Variants in TBX4 observed in about 807,000 individuals in gnomAD.
The protein encoded by TBX4 is T-box transcription factor TBX4.
Under a neutral mutation model 54.6 loss-of-function variants are expected in TBX4, and 13 were observed. The ratio of observed to expected loss-of-function variants is 0.24; its 90% confidence interval spans 0.15 to 0.38. The LOEUF (loss-of-function observed/expected upper bound fraction) is 0.38, where lower values mean the gene tolerates loss of function less well. Among genes scored for constraint, TBX4 ranks in the 10% least tolerant of loss-of-function variants. The pLI, the probability that TBX4 is intolerant of heterozygous loss-of-function variation, is 1.00. For synonymous variants in TBX4, 314 were observed against 306.7 expected (o/e 1.02, Z -0.25); for missense variants, 631 against 728.5 (o/e 0.87, Z 1.54).
rs2143825981 is a variant in TBX4, at chr17:61,467,637, C to T, written c.529C>T (p.His177Tyr). ...SFQKLKLTNN[H>Y]LDPFGHIILN... ...CCAGAAGCTGAAGCTGACAAACAAC[C>T]ACCTGGACCCCTTTGGCCATGTAAG... The change falls in exon 5 of 9, where the codon CAC (histidine) becomes TAC (tyrosine). Residue 177 changes from histidine (H) to tyrosine (Y), a missense_variant. Physicochemically the swap from His to Tyr is moderately conservative, Grantham distance 83 (BLOSUM62 2). Transcript: ENST00000644296. 1 of 1,614,236 alleles carries T rather than the reference C, an allele frequency of 6.2e-7. No individual in the cohort carries two copies. Among genetic ancestry groups the T allele is most frequent in the Non-Finnish European group, 8.5e-7 (1 of 1,180,058 alleles).
intron 4 of TBX4, among the ~76,000 whole-genome samples, chr17:61,466,454 C>G (rs1603251197): frequency 6.6e-6 from 1 of 152,170 alleles, no homozygotes; most frequent in Non-Finnish European, 1.5e-5. Context: ...GGATGGGACC[C>G]TTTGGCAAGG....
Position 61,465,470 on chromosome 17 carries a change from A to G in TBX4, c.282-349A>G, listed in dbSNP as rs1213837173. Among the ~76,000 whole-genome samples the G allele has an allele frequency of 6.6e-6, 1 of 152,218 alleles. No individual in the cohort carries two copies. The highest frequency in any genetic ancestry group is 1.5e-5 in the Non-Finnish European group (1 of 68,044). ...AAGGTTGGCGTCAGAATCTGCTCCCACAATCCTGACTGGGGTCTCTGTGCT... is the reference window on the plus strand; with the variant it reads ...AAGGTTGGCGTCAGAATCTGCTCCCGCAATCCTGACTGGGGTCTCTGTGCT... On this transcript the variant is annotated intron_variant, in intron 3 of 8. Coordinates refer to ENST00000644296, the MANE Select transcript of TBX4 (RefSeq NM_001321120.2). The surrounding 1 kb of genome is among the most constrained non-coding windows in gnomAD (Gnocchi z 4.9).
intron 1 of TBX4, chr17:61,452,978 G>C: frequency 2.0e-6 from 2 of 985,424 alleles, no homozygotes; most frequent in Non-Finnish European, 2.4e-6. Context: ...GCGAAAATCC[G>C]TGTAGATATG....
At position 61,464,754 on chromosome 17, in the gene TBX4, G is replaced by A. The variant is rs1253502988; in HGVS notation, c.282-1065G>A. ...ACTAGGGGAGGGAGCTGTGCCCAGA[G>A]CGTTTGTGTATGCGCTGTGCTGTTG... On this transcript the variant is annotated intron_variant, in intron 3 of 8. Transcript: ENST00000644296. The surrounding 1 kb of genome is among the most constrained non-coding windows in gnomAD (Gnocchi z 5.8). 6.6e-6 allele frequency among the ~76,000 whole-genome samples: 1 copy of A among 152,206 alleles called. No individual in the cohort carries two copies. The highest frequency in any genetic ancestry group is 1.5e-5 in the Non-Finnish European group (1 of 68,028).
chr17:61,454,524 G>T (rs577933558), intron 1 of TBX4, among the ~76,000 whole-genome samples: 1 of 152,368 alleles, frequency 6.6e-6, no homozygotes, highest in Admixed American at 6.5e-5. Flanking sequence ...GGCCGCCCCG[G>T]GCCAGCCGGG....
rs750033041 is a variant in TBX4, at chr17:61,480,135, C to T, written c.837C>T (p.Leu279=). Reference sequence around the variant, plus strand: ...CCAAAAGCATCATGAGGCAGAGGCTCATCTCCCCCCAGCTCTCAGCCACAC... The same window carrying T: ...CCAAAAGCATCATGAGGCAGAGGCTTATCTCCCCCCAGCTCTCAGCCACAC... ...VISKSIMRQR[L]ISPQLSATPD... The change falls in exon 8 of 9, where the codon CTC becomes CTT. Residue 279 remains leucine (L), a synonymous_variant. Transcript: ENST00000644296. This position sits in a 1 kb window ranked among gnomAD's most constrained non-coding sequence, Gnocchi z 6.2. The T allele has an allele frequency of 2.0e-5, 33 of 1,614,014 alleles. No individual in the cohort carries two copies. The highest frequency in any genetic ancestry group is 2.5e-5 in the Non-Finnish European group (30 of 1,180,028).
chr17:61,482,408 C>T lies in TBX4; in HGVS notation c.1022-489C>T, dbSNP rs185872038. Among the ~76,000 whole-genome samples, 538 of 152,364 alleles carry T rather than the reference C, an allele frequency of 3.5e-3. 3 individuals carry two copies. The highest frequency in any genetic ancestry group is 0.012 in the African/African-American group (495 of 41,580). On this transcript the variant is annotated intron_variant, in intron 8 of 8. Transcript: ENST00000644296. ...TCTAAAAGCAACAGAAACATGCCTA[C>T]AAGTGGCTTTGGCTCCCTGAGGTCT...
intron 1 of TBX4, among the ~76,000 whole-genome samples, chr17:61,455,274 C>G (rs982600918): frequency 6.6e-6 from 1 of 152,190 alleles, no homozygotes; most frequent in South Asian, 2.1e-4. Flanking sequence ...GAGGCCTGAG[C>G]CCGGGGATGC....
chr17:61,478,844 G>A lies in TBX4; in HGVS notation c.702+65G>A, dbSNP rs771296858. On this transcript the variant is annotated intron_variant, in intron 6 of 8. Transcript: ENST00000644296. This position sits in a 1 kb window ranked among gnomAD's most constrained non-coding sequence, Gnocchi z 7.4. ...ACCACCCTGCGTTCTCTTCCACCAG[G>A]CAGAGAGGCAGAGTGTGAAGCCAGA... 124 of 1,611,874 alleles carry A rather than the reference G, an allele frequency of 7.7e-5. No homozygotes were observed. Among genetic ancestry groups the A allele is most frequent in the Middle Eastern group, 6.6e-4 (4 of 6,052 alleles).
In TBX4 at chr17:61,459,545, G is replaced by T. The variant is rs2060479811; in HGVS notation, c.281+1914G>T. Among the ~76,000 whole-genome samples, 1 of 152,154 alleles carries T rather than the reference G, an allele frequency of 6.6e-6. No individual in the cohort carries two copies. The highest frequency in any genetic ancestry group is 2.1e-4 in the South Asian group (1 of 4,826). ...TGGCCTTTGGCATTTTAAACAAAGG[G>T]CATTTTTGTTTGTTTGTTTTCCTCA... is the stretch of plus-strand genomic sequence containing the variant. On this transcript the variant is annotated intron_variant, in intron 3 of 8. Transcript: ENST00000644296. The surrounding 1 kb of genome is among the most constrained non-coding windows in gnomAD (Gnocchi z 4.8).
rs548777013 is a variant in TBX4 at position 61,465,720 on chromosome 17, G to T, written c.282-99G>T. The T allele has an allele frequency of 2.6e-6, 4 of 1,522,664 alleles. No individual in the cohort carries two copies. Among genetic ancestry groups the T allele is most frequent in the Non-Finnish European group, 3.6e-6 (4 of 1,104,822 alleles). The allele number at this position is 1,522,664 out of a possible 1,614,324, so 94.3% of individuals were successfully genotyped here. On this transcript the variant is annotated intron_variant, in intron 3 of 8. Transcript: ENST00000644296. The surrounding 1 kb of genome is among the most constrained non-coding windows in gnomAD (Gnocchi z 4.9). ...CAATGCCAGGATCGCTGGCCAAAAG[G>T]GCAGCATCTGTTAGCGGCCTTCTGC...
chr17:61,455,364 C>T (rs965763342), intron 1 of TBX4, among the ~76,000 whole-genome samples: 1 of 152,204 alleles, frequency 6.6e-6, no homozygotes, highest in Non-Finnish European at 1.5e-5. Context: ...GCCGTCAGAC[C>T]TACAGAAAGC....
At chr17:61,453,145 C>A (rs2060425505) in intron 1 of TBX4, among the ~76,000 whole-genome samples, 1 of 152,154 alleles carries the variant, frequency 6.6e-6, no homozygotes, top group South Asian at 2.1e-4. Flanking sequence ...TGATATAACA[C>A]GTGAACTTCC....
At position 61,483,523 on chromosome 17, in the gene TBX4, C is replaced by G. The variant is rs149961771; in HGVS notation, c.*7C>G. 2 of 1,613,936 alleles carry G rather than the reference C, an allele frequency of 1.2e-6. No homozygotes were observed. The highest frequency in any genetic ancestry group is 1.6e-4 in the Middle Eastern group (1 of 6,084). ...GAACTGGACTGACGGATGACTCTCACGTCTCCTCCATAGCCCCGGGACCGT... is the reference window on the plus strand; with the variant it reads ...GAACTGGACTGACGGATGACTCTCAGGTCTCCTCCATAGCCCCGGGACCGT... On this transcript the variant is annotated 3_prime_UTR_variant, in exon 9 of 9. Coordinates refer to ENST00000644296, the MANE Select transcript of TBX4 (RefSeq NM_001321120.2). This position sits in a 1 kb window ranked among gnomAD's most constrained non-coding sequence, Gnocchi z 6.6.
rs567568218 is a variant in TBX4, at chr17:61,464,368, C to T, written c.282-1451C>T. ...CTCGCCTGGGCTTAGGGCCCGCCAGCTTATAGAGGCCTTGATCCTTTCTGG... is the reference window on the plus strand; with the variant it reads ...CTCGCCTGGGCTTAGGGCCCGCCAGTTTATAGAGGCCTTGATCCTTTCTGG... On this transcript the variant is annotated intron_variant, in intron 3 of 8. Coordinates refer to ENST00000644296, the MANE Select transcript of TBX4 (RefSeq NM_001321120.2). This position sits in a 1 kb window ranked among gnomAD's most constrained non-coding sequence, Gnocchi z 5.8. The T allele has an allele frequency of 6.6e-6, 1 of 152,380 alleles. No homozygotes were observed. The highest frequency in any genetic ancestry group is 1.9e-4 in the East Asian group (1 of 5,172). The allele number at this position is 152,380 out of a possible 1,614,324, so 9.4% of individuals were successfully genotyped here.
In TBX4 at chr17:61,457,199, C is replaced by T. The variant is rs1021510345; in HGVS notation, c.187-338C>T. On this transcript the variant is annotated intron_variant, in intron 2 of 8. Coordinates refer to ENST00000644296, the MANE Select transcript of TBX4 (RefSeq NM_001321120.2). The surrounding 1 kb of genome is among the most constrained non-coding windows in gnomAD (Gnocchi z 8.2). ...CGCGCCTGGCCGAGGGTGCGTGCGCCTCTCCCTGTCTGTGTCTGCCCCGGG... is the reference window on the plus strand; with the variant it reads ...CGCGCCTGGCCGAGGGTGCGTGCGCTTCTCCCTGTCTGTGTCTGCCCCGGG... 2.0e-5 allele frequency among the ~76,000 whole-genome samples: 3 copies of T among 152,102 alleles called. No homozygotes were observed. The highest frequency in any genetic ancestry group is 4.1e-4 in the South Asian group (2 of 4,822).
Position 61,475,668 on chromosome 17 carries a change from G to A in TBX4, c.550-2959G>A, listed in dbSNP as rs779227509. On this transcript the variant is annotated intron_variant, in intron 5 of 8. Transcript: ENST00000644296. The surrounding 1 kb of genome is among the most constrained non-coding windows in gnomAD (Gnocchi z 5.0). Reference sequence around the variant, plus strand: ...TGATGATGATACCCAGGGCTTTGACGAGCCCACGACTGCTTGTGACTGCCC... The same window carrying A: ...TGATGATGATACCCAGGGCTTTGACAAGCCCACGACTGCTTGTGACTGCCC... Among the ~76,000 whole-genome samples the A allele has an allele frequency of 5.3e-5, 8 of 152,116 alleles. No individual in the cohort carries two copies. The highest frequency in any genetic ancestry group is 2.1e-4 in the South Asian group (1 of 4,828).
chr17:61,475,340 G>A lies in TBX4; in HGVS notation c.550-3287G>A, dbSNP rs1196459001. ...GCCCCATATACTGGCAGCAGTGGTA[G>A]GAGGGGATGTGGGGGAAAGAGGAGG... On this transcript the variant is annotated intron_variant, in intron 5 of 8. Coordinates refer to ENST00000644296, the MANE Select transcript of TBX4 (RefSeq NM_001321120.2). This position sits in a 1 kb window ranked among gnomAD's most constrained non-coding sequence, Gnocchi z 5.0. Among the ~76,000 whole-genome samples, 2 of 152,206 alleles carry A rather than the reference G, an allele frequency of 1.3e-5. No individual in the cohort carries two copies. The highest frequency in any genetic ancestry group is 2.4e-5 in the African/African-American group (1 of 41,444).
Position 61,479,171 on chromosome 17 carries a change from G to T in TBX4, c.702+392G>T, listed in dbSNP as rs1456630797. 6.6e-6 allele frequency among the ~76,000 whole-genome samples: 1 copy of T among 152,140 alleles called. No individual in the cohort carries two copies. On this transcript the variant is annotated intron_variant, in intron 6 of 8. Coordinates refer to ENST00000644296, the MANE Select transcript of TBX4 (RefSeq NM_001321120.2). The surrounding 1 kb of genome is among the most constrained non-coding windows in gnomAD (Gnocchi z 6.1). ...AGGGAATGGGGATAGGAGCCCTGGG[G>T]TGCTGTCAGCTGGGGTGTGGAAGCA... is the stretch of plus-strand genomic sequence containing the variant.
Sources: gnomAD v4.1 joint callset for allele counts (sites outside exome capture counted in the v4.1 genomes callset) on GRCh38, gnomAD v4.1.1 for gene constraint, Gnocchi (gnomAD v3.1) non-coding constraint, MANE v1.5 for transcripts, NCBI Gene and HGNC (gene_info 2026-07-23, HGNC 2026-07-21) for gene names.